Variants in GALNT9 observed in about 807,000 individuals in gnomAD.
GALNT9 encodes the protein polypeptide N-acetylgalactosaminyltransferase 9.
Under a neutral mutation model 63.1 loss-of-function variants are expected in GALNT9, and 47 were observed. That is an observed-to-expected ratio of 0.75 (90% CI 0.59 to 0.95). The LOEUF is 0.95. GALNT9 is among the 40% of genes least tolerant of loss of function. The pLI, the probability that GALNT9 is intolerant of heterozygous loss-of-function variation, is 0.00. For synonymous variants in GALNT9, 396 were observed against 365.7 expected (o/e 1.08, Z -0.94); for missense variants, 829 against 874.8 (o/e 0.95, Z 0.66).
chr12:132,320,906 C>T (rs1868756891), intron 1 of GALNT9, among the ~76,000 whole-genome samples: 1 of 152,210 alleles, frequency 6.6e-6, no homozygotes, highest in South Asian at 2.1e-4. Flanking sequence ...ATAGGGAAAC[C>T]AAGGTGCAGG....
intron 5 of GALNT9, among the ~76,000 whole-genome samples, chr12:132,248,510 C>A (rs1185663718): frequency 6.6e-6 from 1 of 152,180 alleles, no homozygotes; most frequent in African/African-American, 2.4e-5. Flanking sequence ...ACCTAAGGAG[C>A]TCTGTGGTTG....
chr12:132,209,677 A>T (rs1876872001), intron 6 of GALNT9, among the ~76,000 whole-genome samples: 1 of 151,690 alleles, frequency 6.6e-6, no homozygotes, highest in African/African-American at 2.4e-5. Context: ...GCTAAAAGAC[A>T]CTCCCCCCAG....
chr12:132,213,574 C>G (rs1195089352), intron 6 of GALNT9, among the ~76,000 whole-genome samples: 1 of 152,046 alleles, frequency 6.6e-6, no homozygotes, highest in Non-Finnish European at 1.5e-5. Flanking sequence ...CACAGGCACT[C>G]CCACCTACAC....
chr12:132,200,987 C>G (rs112812874), intron 8 of GALNT9, 137 bp downstream of exon 8: 18,505 of 838,600 alleles, frequency 0.022, 332 homozygotes, highest in Middle Eastern at 0.055. Flanking sequence ...CCTGTCGGGC[C>G]GAGTGGGACC....
chr12:132,205,813 CG>C (rs1467704980), intron 6 of GALNT9: 3 of 152,192 alleles, frequency 2.0e-5, no homozygotes, highest in Non-Finnish European at 4.4e-5. Flanking sequence ...CTGTTCGCAG[CG>C]GGAAGGGGCC....
chr12:132,291,359 C>T (rs1555242731), intron 1 of GALNT9, among the ~76,000 whole-genome samples: 5 of 89,872 alleles, frequency 5.6e-5, no homozygotes, highest in Admixed American at 2.1e-4. Context: ...CCCACGTCCA[C>T]AGCACCCACG....
intron 5 of GALNT9, among the ~76,000 whole-genome samples, chr12:132,256,515 AT>A (rs1555239093): frequency 2.8e-5 from 4 of 145,096 alleles, no homozygotes; most frequent in Non-Finnish European, 1.5e-5. Context: ...TGTCTCATTT[AT>A]TTTGAGAAAA....
intron 2 of GALNT9, among the ~76,000 whole-genome samples, chr12:132,269,770 G>T (rs1318664055): frequency 1.3e-5 from 2 of 152,242 alleles, no homozygotes; most frequent in African/African-American, 4.8e-5. Flanking sequence ...GGCACGTGGC[G>T]CCTGCTGGGA....
At chr12:132,281,747 C>T (rs569949302) in intron 2 of GALNT9, among the ~76,000 whole-genome samples, 2 of 152,294 alleles carry the variant, frequency 1.3e-5, no homozygotes, top group South Asian at 4.1e-4. Context: ...ATGCTGAACC[C>T]TCAAAAGGAG....
At chr12:132,307,324 G>T (rs1881650254) in intron 1 of GALNT9, among the ~76,000 whole-genome samples, 1 of 152,096 alleles carries the variant, frequency 6.6e-6, no homozygotes, top group African/African-American at 2.4e-5. Flanking sequence ...TAACAAATAC[G>T]CACTGGGTCT....
chr12:132,318,807 C>T (rs1868645744), intron 1 of GALNT9, among the ~76,000 whole-genome samples: 1 of 152,244 alleles, frequency 6.6e-6, no homozygotes, highest in Admixed American at 6.5e-5. Flanking sequence ...CAGCCCTGCT[C>T]CTGCCCCAGC....
At chr12:132,322,684 C>T (rs1197761823) in intron 1 of GALNT9, among the ~76,000 whole-genome samples, 1 of 152,160 alleles carries the variant, frequency 6.6e-6, no homozygotes, top group Non-Finnish European at 1.5e-5. Flanking sequence ...GCAGGCTCTG[C>T]GAGGATGGAG....
chr12:132,240,960 T>C (rs1418743767), intron 6 of GALNT9, among the ~76,000 whole-genome samples: 2 of 134,430 alleles, frequency 1.5e-5, no homozygotes, highest in Admixed American at 1.5e-4. Context: ...CCCGGGGCCC[T>C]CCCTATACCC....
At position 132,282,558 on chromosome 12, in the gene GALNT9, G is replaced by A. The variant is rs561388127; in HGVS notation, c.419+3692C>T. Among the ~76,000 whole-genome samples, 5 of 152,126 alleles carry A rather than the reference G, an allele frequency of 3.3e-5. No homozygotes were observed. Among genetic ancestry groups the A allele is most frequent in the Non-Finnish European group, 5.9e-5 (4 of 68,022 alleles). The stretch of plus-strand genomic sequence containing the variant: ...AGACACTGGCCCCTTCTTGGGTTTC[G>A]TGAGGGACCCTGGAAGCTCCAAGCT... On this transcript the variant is annotated intron_variant, in intron 2 of 10. Transcript: ENST00000328957. This position sits in a 1 kb window ranked among gnomAD's most constrained non-coding sequence, Gnocchi z 4.5.
In GALNT9 at chr12:132,269,310, C is replaced by T. The variant is rs940632180; in HGVS notation, c.420-6685G>A. ...CGTCGAGTGTGATTTCCACGCGTGG[C>T]GGGTCCCATGCCCCCCGCGGGAGAA... On this transcript the variant is annotated intron_variant, in intron 2 of 10. Transcript: ENST00000328957. Among the ~76,000 whole-genome samples, 5 of 152,230 alleles carry T rather than the reference C, an allele frequency of 3.3e-5. No homozygotes were observed. In the East Asian group the frequency reaches 7.7e-4, roughly 23 times the overall value.
intron 2 of GALNT9, chr12:132,277,195 A>G (rs1880129718): frequency 6.5e-6 from 1 of 154,540 alleles, no homozygotes; most frequent in South Asian, 2.0e-4. Context: ...GGCCGGGCTG[A>G]GCTTGCTTTT....
chr12:132,319,496 C>T lies in GALNT9; in HGVS notation c.238+9470G>A, dbSNP rs112545031. Among the ~76,000 whole-genome samples the T allele has an allele frequency of 4.3e-4, 66 of 152,258 alleles. No homozygotes were observed. In the South Asian group the frequency reaches 6.4e-3, roughly 15 times the overall value. On this transcript the variant is annotated intron_variant, in intron 1 of 10. Coordinates refer to ENST00000328957, the MANE Select transcript of GALNT9 (RefSeq NM_001122636.2). The surrounding 1 kb of genome is among the most constrained non-coding windows in gnomAD (Gnocchi z 5.2). ...GGCCAAAGGACCCCACCCAGCTTCCCGGGCCTGCAGCTTGCAGACGGCAGA... is the reference window on the plus strand; with the variant it reads ...GGCCAAAGGACCCCACCCAGCTTCCTGGGCCTGCAGCTTGCAGACGGCAGA...
At chr12:132,306,420 G>T (rs560038336) in intron 1 of GALNT9, among the ~76,000 whole-genome samples, 1 of 152,378 alleles carries the variant, frequency 6.6e-6, no homozygotes, top group Admixed American at 6.5e-5. Flanking sequence ...CCGGAGCCAT[G>T]CAGAGAGGCC....
chr12:132,264,520 T>TTGAGTTTAATCTCAGGAAGGCC, intron 2 of GALNT9, among the ~76,000 whole-genome samples: 1 of 152,354 alleles, frequency 6.6e-6, no homozygotes, highest in Non-Finnish European at 1.5e-5. Context: ...GCCTTCTGGC[T>TTGAGTTTAATCTCAGGAAGGCC]TGAGTTTAAT....
Sources: gnomAD v4.1 joint callset for allele counts (sites outside exome capture counted in the v4.1 genomes callset) on GRCh38, gnomAD v4.1.1 for gene constraint, Gnocchi (gnomAD v3.1) non-coding constraint, MANE v1.5 for transcripts, NCBI Gene and HGNC (gene_info 2026-07-23, HGNC 2026-07-21) for gene names.